The following PDE1A variants were observed in gnomAD, a reference collection of about 807,000 sequenced individuals.
PDE1A encodes the protein phosphodiesterase 1A.
A neutral mutation model predicts 61.7 loss-of-function variants in PDE1A; 35 were observed. The ratio of observed to expected loss-of-function variants is 0.57; its 90% CI spans 0.43 to 0.75. The LOEUF is 0.75. PDE1A is among the 30% of genes least tolerant of loss of function. The probability of loss-of-function intolerance (pLI) is 0.00; values close to 1 mark genes in which losing one functional copy is unlikely to be tolerated. For synonymous variants in PDE1A, 232 were observed against 213.2 expected (o/e 1.09, Z -0.77); for missense variants, 597 against 630.6 (o/e 0.95, Z 0.57).
intron 1 of PDE1A, among the ~76,000 whole-genome samples, chr2:182,378,688 G>A (rs982789200): frequency 3.9e-5 from 6 of 152,226 alleles, no homozygotes; most frequent in Admixed American, 3.3e-4. Flanking sequence ...TGTTTAATGA[G>A]GTCCAATATG....
chr2:182,247,701 C>T (rs2623418), intron 2 of PDE1A, among the ~76,000 whole-genome samples: 1 of 151,598 alleles, frequency 6.6e-6, no homozygotes, highest in Non-Finnish European at 1.5e-5. Context: ...ACTTTTTCAC[C>T]GGCAGATAAT....
At chr2:182,497,585 T>C (rs1159743481) in intron 2 of PDE1A, among the ~76,000 whole-genome samples, 1 of 152,156 alleles carries the variant, frequency 6.6e-6, no homozygotes, top group African/African-American at 2.4e-5. Flanking sequence ...ACATAATGAA[T>C]GTTATGGCCC....
At chr2:182,474,324 G>T (rs1687223170) in intron 2 of PDE1A, among the ~76,000 whole-genome samples, 1 of 151,824 alleles carries the variant, frequency 6.6e-6, no homozygotes, top group Admixed American at 6.6e-5. Context: ...CAAATGAAAG[G>T]ACCCAACAGG....
chr2:182,320,976 T>C (rs1050604564), intron 1 of PDE1A, among the ~76,000 whole-genome samples: 3 of 152,174 alleles, frequency 2.0e-5, no homozygotes, highest in African/African-American at 7.2e-5. Flanking sequence ...ATTAATTAAA[T>C]TATTTACTAA....
At chr2:182,633,541 T>C in the PDE1A span, among the ~76,000 whole-genome samples, 25 of 152,176 alleles carry the variant, frequency 1.6e-4, no homozygotes, top group South Asian at 6.2e-4. Flanking sequence ...AAGGAAACCA[T>C]GGGGAAGGAG....
At chr2:182,401,575 G>C (rs112061802) in intron 1 of PDE1A, among the ~76,000 whole-genome samples, 4 of 152,122 alleles carry the variant, frequency 2.6e-5, no homozygotes, top group African/African-American at 9.7e-5. Context: ...ATACAGAATG[G>C]GCAAAAGCTG....
the PDE1A span, among the ~76,000 whole-genome samples, chr2:182,536,886 A>G: frequency 6.6e-6 from 1 of 152,074 alleles, no homozygotes. Context: ...CCCTAAAGCC[A>G]CCATGCTGGA....
At chr2:182,270,780 T>G (rs1692961423) in intron 1 of PDE1A, among the ~76,000 whole-genome samples, 1 of 151,566 alleles carries the variant, frequency 6.6e-6, no homozygotes, top group Non-Finnish European at 1.5e-5. Context: ...TGAAATCGCA[T>G]AAATAGAAAC....
intron 1 of PDE1A, among the ~76,000 whole-genome samples, chr2:182,278,320 T>C (rs1693577406): frequency 6.6e-6 from 1 of 151,986 alleles, no homozygotes; most frequent in South Asian, 2.1e-4. Flanking sequence ...AAAGTGGATA[T>C]AACACAAACA....
At chr2:182,486,298 T>C (rs1187853871) in intron 2 of PDE1A, among the ~76,000 whole-genome samples, 1 of 151,896 alleles carries the variant, frequency 6.6e-6, no homozygotes, top group Non-Finnish European at 1.5e-5. Flanking sequence ...CTGAGAGAAA[T>C]TAAAGAATAT....
chr2:182,182,604 A>G (rs543134745), intron 13 of PDE1A, among the ~76,000 whole-genome samples: 2 of 152,106 alleles, frequency 1.3e-5, no homozygotes, highest in African/African-American at 4.8e-5. Flanking sequence ...AAAACTCTAC[A>G]TTTGGTTTCC....
chr2:182,594,012 T>C, the PDE1A span, among the ~76,000 whole-genome samples: 1 of 152,332 alleles, frequency 6.6e-6, no homozygotes, highest in South Asian at 2.1e-4. Flanking sequence ...TATCTGTTTA[T>C]TAGTAATTAA....
At chr2:182,336,225 C>T (rs951834427) in intron 1 of PDE1A, among the ~76,000 whole-genome samples, 1 of 152,106 alleles carries the variant, frequency 6.6e-6, no homozygotes, top group Non-Finnish European at 1.5e-5. Flanking sequence ...CCTCAAGGAC[C>T]TAGAACCAGA....
At chr2:182,412,133 C>T (rs141418653) in intron 1 of PDE1A, among the ~76,000 whole-genome samples, 1 of 152,116 alleles carries the variant, frequency 6.6e-6, no homozygotes, top group South Asian at 2.1e-4. Flanking sequence ...TAAACTCTCA[C>T]CAACCTAGGT....
chr2:182,353,651 TG>T (rs1355565704), intron 1 of PDE1A, among the ~76,000 whole-genome samples: 4 of 152,050 alleles, frequency 2.6e-5, no homozygotes, highest in Admixed American at 1.3e-4. Context: ...TTAATTAGAA[TG>T]GGAATTAAAA....
At chr2:182,372,995 C>A (rs1035660294) in intron 1 of PDE1A, among the ~76,000 whole-genome samples, 2 of 152,142 alleles carry the variant, frequency 1.3e-5, no homozygotes, top group Non-Finnish European at 2.9e-5. Flanking sequence ...AGACAAAGGC[C>A]CAAGCCCTGT....
upstream of PDE1A, chr2:182,522,787 C>T (rs757003499): frequency 3.0e-5 from 14 of 460,290 alleles, no homozygotes; most frequent in South Asian, 1.9e-4. Flanking sequence ...GAATGACTTT[C>T]GCGCTCCAGA....
At chr2:182,194,139 T>C (rs1685940070) in intron 10 of PDE1A, among the ~76,000 whole-genome samples, 1 of 152,170 alleles carries the variant, frequency 6.6e-6, no homozygotes, top group African/African-American at 2.4e-5. Flanking sequence ...GATTAATAAA[T>C]GCAGATTTTG....
intron 2 of PDE1A, among the ~76,000 whole-genome samples, chr2:182,469,151 T>C (rs1686865698): frequency 6.6e-6 from 1 of 151,946 alleles, no homozygotes; most frequent in Non-Finnish European, 1.5e-5. Context: ...TTTTGAAGCT[T>C]TGAAGTCAGG....
Sources: gnomAD v4.1 joint callset for allele counts (sites outside exome capture counted in the v4.1 genomes callset) on GRCh38, gnomAD v4.1.1 for gene constraint, MANE v1.5 for transcripts, NCBI Gene and HGNC (gene_info 2026-07-23, HGNC 2026-07-21) for gene names.